The following ASIC2 variants were observed in gnomAD, a reference collection of about 807,000 sequenced individuals.
The protein encoded by ASIC2 is acid-sensing ion channel 2.
In ASIC2, 25 loss-of-function variants were observed where a neutral mutation model predicts 57.3. The observed-to-expected ratio is 0.44, with a 90% CI of 0.32 to 0.61. The LOEUF (loss-of-function observed/expected upper bound fraction) is 0.61. ASIC2 is among the 20% of genes least tolerant of loss of function. The pLI is 0.06. For synonymous variants in ASIC2, 319 were observed against 307.5 expected, an observed-to-expected ratio of 1.04 and a Z score of -0.39; for missense variants, 641 against 738.1, an observed-to-expected ratio of 0.87 and a Z score of 1.52.
At chr17:33,965,119 G>A (rs1905038332) in intron 1 of ASIC2, among the ~76,000 whole-genome samples, 1 of 152,220 alleles carries the variant, frequency 6.6e-6, no homozygotes, top group African/African-American at 2.4e-5. Flanking sequence ...AAGGAAGGGA[G>A]ACGGCTCTTA....
intron 1 of ASIC2, among the ~76,000 whole-genome samples, chr17:33,736,995 A>G (rs185498675): frequency 3.9e-5 from 6 of 152,390 alleles, no homozygotes; most frequent in Admixed American, 3.9e-4. Flanking sequence ...ATGCTATGAT[A>G]TATTTTGGCA....
intron 1 of ASIC2, among the ~76,000 whole-genome samples, chr17:33,915,345 C>T (rs1172974729): frequency 1.3e-5 from 2 of 152,312 alleles, no homozygotes; most frequent in South Asian, 2.1e-4. Context: ...ATGGGCCCCA[C>T]CTCCCTCCAG....
chr17:33,043,030 C>T (rs1351590826), intron 3 of ASIC2, among the ~76,000 whole-genome samples: 2 of 148,902 alleles, frequency 1.3e-5, no homozygotes, highest in African/African-American at 2.5e-5. Flanking sequence ...AGGTTCATGC[C>T]ATTCTCCTGC....
chr17:33,600,178 A>G (rs1014751568), intron 1 of ASIC2, among the ~76,000 whole-genome samples: 12 of 152,182 alleles, frequency 7.9e-5, no homozygotes, highest in Non-Finnish European at 1.3e-4. Flanking sequence ...AGGCCCTACT[A>G]TTATTTGAAT....
intron 1 of ASIC2, among the ~76,000 whole-genome samples, chr17:33,460,323 C>A (rs1461780272): frequency 6.6e-6 from 1 of 152,148 alleles, no homozygotes; most frequent in Non-Finnish European, 1.5e-5. Context: ...GGATGGGCTG[C>A]CATTCTCACA....
chr17:34,036,093 T>G (rs1159437455), intron 1 of ASIC2, among the ~76,000 whole-genome samples: 3 of 152,014 alleles, frequency 2.0e-5, no homozygotes. Context: ...ATCGTCAATA[T>G]TCACAATAGC....
intron 1 of ASIC2, among the ~76,000 whole-genome samples, chr17:33,634,174 C>G (rs140368534): frequency 6.6e-6 from 1 of 152,330 alleles, no homozygotes; most frequent in Non-Finnish European, 1.5e-5. Flanking sequence ...CTGTCACACT[C>G]TCTAGTTCCC....
At chr17:33,884,922 G>A (rs998181861) in intron 1 of ASIC2, among the ~76,000 whole-genome samples, 39 of 152,132 alleles carry the variant, frequency 2.6e-4, no homozygotes, top group African/African-American at 8.2e-4. Flanking sequence ...GGGGAGTTCC[G>A]ACAAAGTGTA....
intron 7 of ASIC2, among the ~76,000 whole-genome samples, chr17:33,020,634 T>C (rs1369551853): frequency 6.6e-6 from 1 of 152,172 alleles, no homozygotes; most frequent in Non-Finnish European, 1.5e-5. Context: ...GGGGAGCTCA[T>C]GCGAACTTTT....
At chr17:33,472,230 G>T (rs1009764774) in intron 1 of ASIC2, among the ~76,000 whole-genome samples, 11 of 152,024 alleles carry the variant, frequency 7.2e-5, no homozygotes, top group Admixed American at 5.9e-4. Flanking sequence ...ATGTTGGCCA[G>T]TCTGGTCTCG....
rs908409548 is a variant in ASIC2 at position 34,107,281 on chromosome 17, C to A, written c.555+48697G>T. Among the ~76,000 whole-genome samples, 4 of 152,108 alleles carry A rather than the reference C, an allele frequency of 2.6e-5. No homozygotes were observed. In the East Asian group the frequency reaches 7.7e-4, roughly 29 times the overall value. On this transcript the variant is annotated intron_variant, in intron 1 of 9. Transcript: ENST00000359872. Reference sequence around the variant, plus strand: ...CTTTGGGAGGCCAAGGCAGGCAGATCACTTGAGTCCTGGAGTTTCAGACCA... The same window carrying A: ...CTTTGGGAGGCCAAGGCAGGCAGATAACTTGAGTCCTGGAGTTTCAGACCA...
intron 1 of ASIC2, among the ~76,000 whole-genome samples, chr17:33,568,506 C>A (rs992701226): frequency 4.0e-5 from 6 of 151,434 alleles, no homozygotes; most frequent in Admixed American, 6.6e-5. Context: ...GTTCTTGTCC[C>A]TCTCATTGGC....
At chr17:33,863,270 T>C (rs1386397946) in intron 1 of ASIC2, among the ~76,000 whole-genome samples, 1 of 152,260 alleles carries the variant, frequency 6.6e-6, no homozygotes, top group African/African-American at 2.4e-5. Context: ...AGGTGGCTCC[T>C]AAAAGGGATG....
intron 1 of ASIC2, among the ~76,000 whole-genome samples, chr17:33,435,354 G>T (rs1911571307): frequency 6.6e-6 from 1 of 151,982 alleles, no homozygotes; most frequent in Non-Finnish European, 1.5e-5. Context: ...AAATAGCAAA[G>T]AAATCACCAA....
intron 1 of ASIC2, among the ~76,000 whole-genome samples, chr17:33,639,014 G>A (rs1245191623): frequency 1.3e-5 from 2 of 151,816 alleles, no homozygotes; most frequent in Admixed American, 6.6e-5. Flanking sequence ...TTCTGCCTCC[G>A]TTCCCCAAAG....
chr17:34,016,423 C>CAAAAAAA (rs398041640), intron 1 of ASIC2, among the ~76,000 whole-genome samples: 59 of 41,350 alleles, frequency 1.4e-3, no homozygotes, highest in Non-Finnish European at 2.3e-3. Flanking sequence ...GACTCCGTCT[C>CAAAAAAA]AAAAAAAAAA....
At chr17:33,026,456 A>T (rs908937934) in intron 4 of ASIC2, among the ~76,000 whole-genome samples, 1 of 152,216 alleles carries the variant, frequency 6.6e-6, no homozygotes, top group African/African-American at 2.4e-5. Flanking sequence ...CAGGACACCA[A>T]GGCTAGTAGT....
chr17:34,082,736 C>T (rs1909937746), intron 1 of ASIC2, among the ~76,000 whole-genome samples: 1 of 152,206 alleles, frequency 6.6e-6, no homozygotes, highest in African/African-American at 2.4e-5. Context: ...TTTTGCACAA[C>T]CTCTGAAAAA....
intron 1 of ASIC2, among the ~76,000 whole-genome samples, chr17:33,309,203 AG>A (rs1374921128): frequency 6.6e-6 from 1 of 150,434 alleles, no homozygotes; most frequent in Non-Finnish European, 1.5e-5. Context: ...CTCTGCTCGT[AG>A]CTCAGATATT....
Sources: gnomAD v4.1 joint callset for allele counts (sites outside exome capture counted in the v4.1 genomes callset) on GRCh38, gnomAD v4.1.1 for gene constraint, MANE v1.5 for transcripts, NCBI Gene and HGNC (gene_info 2026-07-23, HGNC 2026-07-21) for gene names.